The following ITGB6 variants were observed in gnomAD, a reference collection of about 807,000 sequenced individuals.
ITGB6 encodes integrin beta-6.
In ITGB6, 80 loss-of-function variants were observed where a neutral mutation model predicts 84.5. The observed-to-expected ratio is 0.95, with a 90% confidence interval of 0.79 to 1.14. The LOEUF is 1.14. Ranked by LOEUF, ITGB6 falls within the 50% of genes most tolerant of loss-of-function variation. The pLI, the probability that ITGB6 is intolerant of heterozygous loss-of-function variation, is 0.00. For synonymous variants in ITGB6, 383 were observed against 354.9 expected (o/e 1.08, Z -0.89); for missense variants, 1,006 against 968.0 (o/e 1.04, Z -0.52).
At position 160,171,329 on chromosome 2, in the gene ITGB6, A is replaced by C. The variant is rs1334142013; in HGVS notation, c.921+1240T>G. Among the ~76,000 whole-genome samples the C allele has an allele frequency of 1.6e-5, 2 of 123,962 alleles. 1 individual carries two copies. The highest frequency in any genetic ancestry group is 3.4e-5 in the Non-Finnish European group (2 of 58,426). 81.3% of individuals were successfully genotyped at this position (123,962 alleles called of 152,430 possible). ...GACTGCTGCTTCAGAAATCAAATTT[A>C]TTTTTTTATTTTTTTTTTTTTTGGA... On this transcript the variant is annotated intron_variant, in intron 6 of 14. Coordinates refer to ENST00000283249, the MANE Select transcript of ITGB6 (RefSeq NM_000888.5).
intron 7 of ITGB6, among the ~76,000 whole-genome samples, chr2:160,150,308 T>G (rs1236951922): frequency 6.6e-6 from 1 of 152,162 alleles, no homozygotes; most frequent in Non-Finnish European, 1.5e-5. Context: ...ATATTCAACA[T>G]CCTTAAAGAA....
intron 7 of ITGB6, among the ~76,000 whole-genome samples, chr2:160,147,874 G>T (rs888268472): frequency 6.6e-6 from 1 of 152,032 alleles, no homozygotes; most frequent in East Asian, 1.9e-4. Flanking sequence ...ACTCCAAAAA[G>T]ATAATGGTAG....
intron 7 of ITGB6, among the ~76,000 whole-genome samples, chr2:160,156,910 T>C (rs1484683023): frequency 1.3e-5 from 2 of 152,190 alleles, no homozygotes; most frequent in African/African-American, 2.4e-5. Context: ...GGGAGGTTAA[T>C]GAGTAAGCCT....
At chr2:160,150,860 G>A (rs1384771527) in intron 7 of ITGB6, among the ~76,000 whole-genome samples, 2 of 152,080 alleles carry the variant, frequency 1.3e-5, no homozygotes, top group African/African-American at 2.4e-5. Flanking sequence ...GACAAAGAAG[G>A]CCATTACATA....
Position 160,133,248 on chromosome 2 carries a change from G to A in ITGB6, c.1660+4186C>T, listed in dbSNP as rs577888420. Reference sequence around the variant, plus strand: ...CAAAGCAAACGGAAAACAAAAAAAGGCAGGGGTTGCAATCCTAGTCTCTGA... The same window carrying A: ...CAAAGCAAACGGAAAACAAAAAAAGACAGGGGTTGCAATCCTAGTCTCTGA... On this transcript the variant is annotated intron_variant, in intron 10 of 14. Coordinates refer to ENST00000283249, the MANE Select transcript of ITGB6 (RefSeq NM_000888.5). Among the ~76,000 whole-genome samples the A allele has an allele frequency of 1.7e-3, 255 of 152,206 alleles. 1 individual carries two copies. Among genetic ancestry groups the A allele is most frequent in the Non-Finnish European group, 2.9e-3 (195 of 67,990 alleles).
chr2:160,182,085 C>T (rs909663418), intron 4 of ITGB6, among the ~76,000 whole-genome samples: 1 of 152,188 alleles, frequency 6.6e-6, no homozygotes, highest in Non-Finnish European at 1.5e-5. Context: ...TGCCTCTTCT[C>T]CTCCAAAGGA....
chr2:160,167,332 C>T (rs571889689), intron 7 of ITGB6, among the ~76,000 whole-genome samples: 1 of 152,180 alleles, frequency 6.6e-6, no homozygotes, highest in Non-Finnish European at 1.5e-5. Context: ...TGCATTGTTG[C>T]TGTTATTATC....
At chr2:160,177,207 G>A (rs746238837) in intron 4 of ITGB6, among the ~76,000 whole-genome samples, 1 of 151,950 alleles carries the variant, frequency 6.6e-6, no homozygotes, top group Non-Finnish European at 1.5e-5. Context: ...TTAACATTTT[G>A]TATTTCTTCT....
chr2:160,190,405 G>A (rs949283798), intron 4 of ITGB6, among the ~76,000 whole-genome samples: 34 of 151,996 alleles, frequency 2.2e-4, no homozygotes, highest in African/African-American at 6.0e-4. Context: ...GACTTACAGC[G>A]AAAACACCGA....
chr2:160,167,651 A>G (rs1260448751), intron 7 of ITGB6, among the ~76,000 whole-genome samples: 1 of 152,188 alleles, frequency 6.6e-6, no homozygotes, highest in Non-Finnish European at 1.5e-5. Context: ...CAACGGGGGA[A>G]TCATGGATGC....
chr2:160,137,066 A>G (rs1186387180), intron 10 of ITGB6, among the ~76,000 whole-genome samples: 2 of 20,370 alleles, frequency 9.8e-5, no homozygotes, highest in African/African-American at 3.5e-4. Flanking sequence ...AAAAAAAAGA[A>G]AAAAAAAAAG....
At position 160,126,745 on chromosome 2, in the gene ITGB6, G is replaced by A. The variant is rs181388043; in HGVS notation, c.1661-144C>T. On this transcript the variant is annotated intron_variant, in intron 10 of 14. Transcript: ENST00000283249. Reference sequence around the variant, plus strand: ...GAGAAAAAAAGTATGTGTGTGAGGGGTGCAGTATGAGTGTAGATATATTGT... The same window carrying A: ...GAGAAAAAAAGTATGTGTGTGAGGGATGCAGTATGAGTGTAGATATATTGT... 5.7e-5 allele frequency: 39 copies of A among 688,116 alleles called. No homozygotes were observed. In the African/African-American group the frequency reaches 6.8e-4, roughly 12 times the overall value. The allele number at this position is 688,116 out of a possible 1,614,324, so 42.6% of individuals were successfully genotyped here. A position where few individuals can be genotyped will look rare whatever the true frequency, so the allele number is the denominator to read the frequency against.
At chr2:160,112,698 A>C (rs1682586532) in intron 12 of ITGB6, among the ~76,000 whole-genome samples, 1 of 152,140 alleles carries the variant, frequency 6.6e-6, no homozygotes, top group Non-Finnish European at 1.5e-5. Flanking sequence ...CAGGAAACTG[A>C]GACTGAAGCA....
At chr2:160,118,383 C>A (rs1043949226) in intron 12 of ITGB6, among the ~76,000 whole-genome samples, 5 of 152,114 alleles carry the variant, frequency 3.3e-5, no homozygotes, top group Non-Finnish European at 5.9e-5. Flanking sequence ...TAAATGTAAT[C>A]CAGCATATAA....
chr2:160,177,395 T>A (rs956262765), intron 4 of ITGB6, among the ~76,000 whole-genome samples: 2 of 151,840 alleles, frequency 1.3e-5, no homozygotes, highest in African/African-American at 2.4e-5. Context: ...TGAAACCCCA[T>A]CTCTACTGAA....
At position 160,156,250 on chromosome 2, in the gene ITGB6, C is replaced by T. The variant is rs530608291; in HGVS notation, c.1017+12962G>A. ...TCAGCTCCTCATGGATTCCTCTACCCGAGGACAAAGCCAAGGGAGGTGTAG... is the reference window on the plus strand; with the variant it reads ...TCAGCTCCTCATGGATTCCTCTACCTGAGGACAAAGCCAAGGGAGGTGTAG... On this transcript the variant is annotated intron_variant, in intron 7 of 14. Transcript: ENST00000283249. Among the ~76,000 whole-genome samples the T allele has an allele frequency of 3.9e-5, 6 of 152,242 alleles. No homozygotes were observed. In the South Asian group the frequency reaches 8.3e-4, roughly 21 times the overall value.
At chr2:160,171,358 G>A (rs1318182038) in intron 6 of ITGB6, among the ~76,000 whole-genome samples, 5 of 141,088 alleles carry the variant, frequency 3.5e-5, no homozygotes, top group East Asian at 4.0e-4. Flanking sequence ...TTTTGGAGAC[G>A]GAGTCTCGCT....
intron 6 of ITGB6, among the ~76,000 whole-genome samples, chr2:160,170,586 A>G (rs1685163636): frequency 6.6e-6 from 1 of 152,124 alleles, no homozygotes; most frequent in South Asian, 2.1e-4. Flanking sequence ...CTGGTTTTCT[A>G]TTTGAATCAG....
intron 1 of ITGB6, 135 bp downstream of exon 1, chr2:160,199,868 T>C (rs969164826): frequency 3.0e-6 from 2 of 677,014 alleles, no homozygotes; most frequent in African/African-American, 3.7e-5. Flanking sequence ...TGTAATTTGT[T>C]AAAGTGTTCA....
Sources: allele counts gnomAD v4.1 joint callset (sites outside exome capture counted in the v4.1 genomes callset), GRCh38; gene constraint gnomAD v4.1.1; transcripts MANE v1.5; gene names NCBI Gene and HGNC (gene_info 2026-07-23, HGNC 2026-07-21).